The following ANTXR1 variants were observed in gnomAD, a reference collection of about 807,000 sequenced individuals.
ANTXR1 encodes the protein ANTXR cell adhesion molecule 1, also known as anthrax toxin receptor 1.
ANTXR1 carries 19 observed loss-of-function variants against 78.1 expected under a neutral mutation model. That is an observed-to-expected ratio of 0.24 (90% CI 0.17 to 0.36). The LOEUF (loss-of-function observed/expected upper bound fraction) is 0.36. Among genes scored for constraint, ANTXR1 ranks in the 10% least tolerant of loss-of-function variants. The pLI, the probability that ANTXR1 is intolerant of heterozygous loss-of-function variation, is 1.00. For missense variants in ANTXR1, 518 were observed against 718.6 expected (o/e 0.72, Z 3.19); for synonymous variants, 273 against 260.5 (o/e 1.05, Z -0.46).
At chr2:69,172,280 GC>G in intron 14 of ANTXR1, 2 of 1,072,848 alleles carry the variant, frequency 1.9e-6, no homozygotes, top group South Asian at 2.7e-5. Flanking sequence ...AGCATCAGGC[GC>G]TTTTTGGCAT....
At chr2:69,134,974 C>A in intron 12 of ANTXR1, 1 of 355,534 alleles carries the variant, frequency 2.8e-6, no homozygotes, top group South Asian at 2.2e-5. Context: ...ATTATGATTA[C>A]TATTATTATT....
At chr2:69,098,227 G>C (rs1671495722) in intron 9 of ANTXR1, among the ~76,000 whole-genome samples, 1 of 152,150 alleles carries the variant, frequency 6.6e-6, no homozygotes, top group African/African-American at 2.4e-5. Context: ...TTATGTGCAA[G>C]TTATTGTATA....
chr2:69,117,110 T>C (rs1220282966), intron 10 of ANTXR1, among the ~76,000 whole-genome samples: 1 of 152,242 alleles, frequency 6.6e-6, no homozygotes, highest in Non-Finnish European at 1.5e-5. Context: ...CTTCAAGCTC[T>C]TCATCCCTAG....
chr2:69,206,599 G>C (rs1674911955), intron 17 of ANTXR1, among the ~76,000 whole-genome samples: 1 of 152,234 alleles, frequency 6.6e-6, no homozygotes, highest in South Asian at 2.1e-4. Context: ...AAGCTTAGCA[G>C]AGTTCCTGAA....
intron 10 of ANTXR1, among the ~76,000 whole-genome samples, chr2:69,108,852 T>C (rs1671891834): frequency 6.6e-6 from 1 of 152,212 alleles, no homozygotes; most frequent in Admixed American, 6.5e-5. Flanking sequence ...ATTTTCTTTA[T>C]CCAGTCTATC....
intron 1 of ANTXR1, among the ~76,000 whole-genome samples, chr2:69,033,886 G>GT (rs1424862010): frequency 6.6e-6 from 1 of 152,196 alleles, no homozygotes; most frequent in African/African-American, 2.4e-5. Context: ...GACTCTGGTT[G>GT]TATGTGTGGC....
At chr2:69,199,153 A>C (rs921955263) in intron 17 of ANTXR1, among the ~76,000 whole-genome samples, 6 of 152,226 alleles carry the variant, frequency 3.9e-5, no homozygotes, top group African/African-American at 1.4e-4. Flanking sequence ...AATGGTTCTC[A>C]AACTTGAGCA....
chr2:69,171,487 C>T (rs1031771945), intron 14 of ANTXR1, among the ~76,000 whole-genome samples: 1 of 152,182 alleles, frequency 6.6e-6, no homozygotes, highest in Admixed American at 6.5e-5. Flanking sequence ...CTTAGACTTC[C>T]AAAACATAAA....
intron 9 of ANTXR1, among the ~76,000 whole-genome samples, chr2:69,092,418 C>G (rs1042984084): frequency 6.6e-6 from 1 of 152,172 alleles, no homozygotes; most frequent in Non-Finnish European, 1.5e-5. Context: ...TACTTGGTAA[C>G]TAGTTATGTA....
At chr2:69,229,181 T>C (rs914467282) in intron 17 of ANTXR1, among the ~76,000 whole-genome samples, 3 of 152,164 alleles carry the variant, frequency 2.0e-5, no homozygotes, top group Admixed American at 1.3e-4. Context: ...ACACATGGAT[T>C]TGGGGAGACA....
chr2:69,153,746 A>G (rs72545651), intron 13 of ANTXR1, among the ~76,000 whole-genome samples: 1 of 152,358 alleles, frequency 6.6e-6, no homozygotes, highest in African/African-American at 2.4e-5. Flanking sequence ...AAGAGTCGGC[A>G]GGCCTGGTAG....
chr2:69,109,086 C>T (rs1421167477), intron 10 of ANTXR1, among the ~76,000 whole-genome samples: 2 of 152,160 alleles, frequency 1.3e-5, no homozygotes, highest in African/African-American at 4.8e-5. Context: ...TCTTATTTAA[C>T]ATCTCCATGC....
chr2:69,063,948 T>G (rs375800447), intron 3 of ANTXR1, among the ~76,000 whole-genome samples: 1 of 147,616 alleles, frequency 6.8e-6, no homozygotes, highest in Non-Finnish European at 1.5e-5. Context: ...TGATACTAGA[T>G]GAAATACCAA....
At chr2:69,025,542 T>C (rs1671314860) in intron 1 of ANTXR1, among the ~76,000 whole-genome samples, 2 of 152,214 alleles carry the variant, frequency 1.3e-5, no homozygotes, top group Non-Finnish European at 2.9e-5. Flanking sequence ...ATCAGAATCA[T>C]AGTCAGCCTA....
At chr2:69,211,661 G>A (rs1195617044) in intron 17 of ANTXR1, among the ~76,000 whole-genome samples, 1 of 152,228 alleles carries the variant, frequency 6.6e-6, no homozygotes, top group Non-Finnish European at 1.5e-5. Context: ...TCCAAAGGGG[G>A]AACATACGCA....
chr2:69,242,570 C>G (rs1434316511), intron 17 of ANTXR1, among the ~76,000 whole-genome samples: 1 of 152,204 alleles, frequency 6.6e-6, no homozygotes. Flanking sequence ...GTGGCCAGCT[C>G]TAGAAGACAT....
chr2:69,059,598 C>T (rs1194044611), intron 3 of ANTXR1, among the ~76,000 whole-genome samples: 2 of 152,074 alleles, frequency 1.3e-5, no homozygotes, highest in Non-Finnish European at 2.9e-5. Flanking sequence ...CCTGTCTCAG[C>T]GTCCTGAGTA....
intron 10 of ANTXR1, among the ~76,000 whole-genome samples, chr2:69,107,006 GAA>G (rs1413214968): frequency 6.6e-6 from 1 of 152,090 alleles, no homozygotes. Flanking sequence ...TTCTAGATTT[GAA>G]AAAGTTTATT....
intron 10 of ANTXR1, among the ~76,000 whole-genome samples, chr2:69,115,000 C>T (rs935114306): frequency 6.6e-5 from 10 of 152,188 alleles, no homozygotes; most frequent in East Asian, 3.8e-4. Flanking sequence ...GTAGACATTA[C>T]GCCAGGTTTT....
Sources: gnomAD v4.1 joint callset for allele counts (sites outside exome capture counted in the v4.1 genomes callset) on GRCh38, gnomAD v4.1.1 for gene constraint, MANE v1.5 for transcripts, NCBI Gene and HGNC (gene_info 2026-07-23, HGNC 2026-07-21) for gene names.